The following ATP2B2 variants were observed in gnomAD, a reference collection of about 807,000 sequenced individuals.
ATP2B2 encodes the protein ATPase plasma membrane Ca2+ transporting 2, also known as plasma membrane calcium-transporting ATPase 2.
Under a neutral mutation model 120.0 loss-of-function variants are expected in ATP2B2, and 15 were observed. That is an observed-to-expected ratio of 0.12 (90% CI 0.08 to 0.19). ATP2B2 has a LOEUF of 0.19. Among genes scored for constraint, ATP2B2 ranks in the 10% least tolerant of loss-of-function variants. ATP2B2 has a pLI of 1.00. For missense variants in ATP2B2, 1,045 were observed against 1,719.8 expected (o/e 0.61, Z 6.94); for synonymous variants, 694 against 700.3 (o/e 0.99, Z 0.14).
At chr3:10,365,731 G>A (rs1391957366) in intron 12 of ATP2B2, among the ~76,000 whole-genome samples, 1 of 15,066 alleles carries the variant, frequency 6.6e-5, no homozygotes, top group Non-Finnish European at 1.6e-4. Context: ...TGTGTGTGTG[G>A]TGCATGGTGT....
chr3:10,460,796 T>C (rs570519797), intron 1 of ATP2B2, among the ~76,000 whole-genome samples: 2 of 152,318 alleles, frequency 1.3e-5, no homozygotes, highest in Admixed American at 6.5e-5. Context: ...CATTCTTTTG[T>C]ACTGTGCGTG....
chr3:10,537,803 C>G (rs897288799), intron 2 of ATP2B2, among the ~76,000 whole-genome samples: 7 of 152,140 alleles, frequency 4.6e-5, no homozygotes, highest in African/African-American at 1.7e-4. Flanking sequence ...TAAAAATGCT[C>G]TTTATCAAGG....
chr3:10,383,961 A>G (rs1017253943), intron 8 of ATP2B2, among the ~76,000 whole-genome samples: 1 of 152,026 alleles, frequency 6.6e-6, no homozygotes, highest in African/African-American at 2.4e-5. Context: ...TCTCTCAGCC[A>G]TGGGTTTGCC....
Position 10,324,592 on chromosome 3 carries a change from A to T in ATP2B2, c.*4222T>A, listed in dbSNP as rs1461146120. 6.6e-6 allele frequency: 1 copy of T among 152,218 alleles called. No homozygotes were observed. Among genetic ancestry groups the T allele is most frequent in the Non-Finnish European group, 1.5e-5 (1 of 68,072 alleles). 9.4% of individuals were successfully genotyped at this position (152,218 alleles called of 1,614,324 possible). On this transcript the variant is annotated 3_prime_UTR_variant, in exon 23 of 23. Transcript: ENST00000360273. Reference sequence around the variant, plus strand: ...CCCTACAAGAGCCTCTAATGGTGGGATTTTGGACACAATGGCAGGAGAGAG... The same window carrying T: ...CCCTACAAGAGCCTCTAATGGTGGGTTTTTGGACACAATGGCAGGAGAGAG...
intron 2 of ATP2B2, among the ~76,000 whole-genome samples, chr3:10,577,051 C>CAAAAAA (rs71055823): frequency 9.1e-6 from 1 of 109,394 alleles, no homozygotes; most frequent in African/African-American, 3.6e-5. Flanking sequence ...GACTCTGTGT[C>CAAAAAA]AAAAAAAAAA....
chr3:10,501,249 C>T (rs928609735), intron 1 of ATP2B2, among the ~76,000 whole-genome samples: 2 of 152,284 alleles, frequency 1.3e-5, no homozygotes, highest in Non-Finnish European at 2.9e-5. Flanking sequence ...CCGTCACTCC[C>T]GCTTCCCCCT....
intron 3 of ATP2B2, among the ~76,000 whole-genome samples, chr3:10,512,746 G>A (rs1194569892): frequency 6.6e-6 from 1 of 152,124 alleles, no homozygotes; most frequent in Non-Finnish European, 1.5e-5. Context: ...GCCCTTCCCT[G>A]TCACTCCAGC....
intron 1 of ATP2B2, among the ~76,000 whole-genome samples, chr3:10,683,805 T>C (rs2071450285): frequency 8.6e-6 from 1 of 116,446 alleles, no homozygotes; most frequent in Admixed American, 9.2e-5. Flanking sequence ...TATATATATA[T>C]GTAAAGAGAC....
In ATP2B2 at chr3:10,347,135, T is replaced by G. The variant is rs533025517; in HGVS notation, c.2405-998A>C. Among the ~76,000 whole-genome samples the G allele has an allele frequency of 6.6e-6, 1 of 152,156 alleles. No homozygotes were observed. The highest frequency in any genetic ancestry group is 1.5e-5 in the Non-Finnish European group (1 of 68,032). On this transcript the variant is annotated intron_variant, in intron 16 of 22. Coordinates refer to ENST00000360273, the MANE Select transcript of ATP2B2 (RefSeq NM_001001331.4). This position sits in a 1 kb window ranked among gnomAD's most constrained non-coding sequence, Gnocchi z 5.2. Reference sequence around the variant, plus strand: ...ACATCCATGTTCTTAGCTCCACTTATGAAGTCCTCTGTGACCAGGCCTCAC... The same window carrying G: ...ACATCCATGTTCTTAGCTCCACTTAGGAAGTCCTCTGTGACCAGGCCTCAC...
At chr3:10,418,480 C>A (rs573870662) in intron 2 of ATP2B2, among the ~76,000 whole-genome samples, 49 of 152,298 alleles carry the variant, frequency 3.2e-4, no homozygotes, top group African/African-American at 1.2e-3. Flanking sequence ...TGTGGGGCAC[C>A]TCACACTGAG....
chr3:10,642,432 C>A (rs893413940), intron 1 of ATP2B2, among the ~76,000 whole-genome samples: 5 of 152,102 alleles, frequency 3.3e-5, no homozygotes, highest in African/African-American at 1.2e-4. Flanking sequence ...CAGTCACTGG[C>A]CTCAGGAGCC....
At chr3:10,435,414 G>A (rs569189684) in intron 2 of ATP2B2, among the ~76,000 whole-genome samples, 7 of 152,206 alleles carry the variant, frequency 4.6e-5, no homozygotes, top group Admixed American at 6.5e-5. Flanking sequence ...CACAGGCCTC[G>A]CAGTCAATCA....
chr3:10,375,657 G>A lies in ATP2B2; in HGVS notation c.1202-13C>T. 3.1e-6 allele frequency: 5 copies of A among 1,610,324 alleles called. No homozygotes were observed. Among genetic ancestry groups the A allele is most frequent in the Non-Finnish European group, 4.2e-6 (5 of 1,177,126 alleles). ...GACATCACCAAGCCTGCAATGTGAG[G>A]GACACATGCTTGGGGGGTTCCAGGA... On this transcript the variant is annotated splice_polypyrimidine_tract_variant and intron_variant, in intron 10 of 22. Coordinates refer to ENST00000360273, the MANE Select transcript of ATP2B2 (RefSeq NM_001001331.4). The surrounding 1 kb of genome is among the most constrained non-coding windows in gnomAD (Gnocchi z 4.2).
intron 2 of ATP2B2, among the ~76,000 whole-genome samples, chr3:10,613,902 C>T (rs1473645835): frequency 6.6e-6 from 1 of 152,050 alleles, no homozygotes. Flanking sequence ...CTGTGCTGTC[C>T]TTTGTCTTCC....
At position 10,402,971 on chromosome 3, in the gene ATP2B2, T is replaced by C. The variant is rs1205056915; in HGVS notation, c.398-623A>G. ...AGAACAAAGGCAGCCAATATTACACTTGCTTTAGGGTCTGAAAAGGCAGTT... is the reference window on the plus strand; with the variant it reads ...AGAACAAAGGCAGCCAATATTACACCTGCTTTAGGGTCTGAAAAGGCAGTT... On this transcript the variant is annotated intron_variant, in intron 3 of 22. Transcript: ENST00000360273. This position sits in a 1 kb window ranked among gnomAD's most constrained non-coding sequence, Gnocchi z 4.9. 2.1e-5 allele frequency among the ~76,000 whole-genome samples: 3 copies of C among 145,830 alleles called. No homozygotes were observed. Among genetic ancestry groups the C allele is most frequent in the Non-Finnish European group, 4.4e-5 (3 of 67,966 alleles).
intron 5 of ATP2B2, among the ~76,000 whole-genome samples, chr3:10,389,556 C>G (rs1355203426): frequency 1.3e-5 from 2 of 152,138 alleles, no homozygotes; most frequent in African/African-American, 4.8e-5. Flanking sequence ...CCTGAGTCAT[C>G]AGCTTCAGAG....
chr3:10,404,897 TC>T (rs999169389), intron 3 of ATP2B2, among the ~76,000 whole-genome samples: 1 of 152,196 alleles, frequency 6.6e-6, no homozygotes, highest in African/African-American at 2.4e-5. Flanking sequence ...ACTTTTGTTA[TC>T]CCCTGCCCCT....
chr3:10,650,674 A>T (rs1008766500), intron 1 of ATP2B2, among the ~76,000 whole-genome samples: 6 of 152,214 alleles, frequency 3.9e-5, no homozygotes, highest in African/African-American at 1.2e-4. Flanking sequence ...GGAGGAAAAG[A>T]TGGTTTTGTG....
At chr3:10,651,744 A>ATGGATGGATGGATGG in intron 1 of ATP2B2, among the ~76,000 whole-genome samples, 1 of 150,688 alleles carries the variant, frequency 6.6e-6, no homozygotes, top group South Asian at 2.1e-4. Flanking sequence ...TGCATGTATG[A>ATGGATGGATGGATGG]ATGGATGGAT....
Sources: gnomAD v4.1 joint callset for allele counts (sites outside exome capture counted in the v4.1 genomes callset) on GRCh38, gnomAD v4.1.1 for gene constraint, Gnocchi (gnomAD v3.1) non-coding constraint, MANE v1.5 for transcripts, NCBI Gene and HGNC (gene_info 2026-07-23, HGNC 2026-07-21) for gene names.